The following PPM1E variants were observed in gnomAD, a reference collection of about 807,000 sequenced individuals.
PPM1E encodes protein phosphatase, Mg2+/Mn2+ dependent 1E.
PPM1E carries 20 observed loss-of-function variants against 65.9 expected under a neutral mutation model. That is an observed-to-expected ratio of 0.30 (90% CI 0.21 to 0.44). The LOEUF (loss-of-function observed/expected upper bound fraction) is 0.44. PPM1E is among the 20% of genes least tolerant of loss of function. The pLI is 1.00. For synonymous variants in PPM1E, 352 were observed against 374.9 expected (o/e 0.94, Z 0.70); for missense variants, 713 against 953.1 (o/e 0.75, Z 3.32).
rs2031378383 is a variant in PPM1E at position 58,981,959 on chromosome 17, C to A, written c.*928C>A. On this transcript the variant is annotated 3_prime_UTR_variant, in exon 7 of 7. Coordinates refer to ENST00000308249, the MANE Select transcript of PPM1E (RefSeq NM_014906.5). ...TTCTATATTTTGTCTTTTTTTAGTT[C>A]AGACAGCAAAGGCATGTACTACTAT... is the stretch of plus-strand genomic sequence containing the variant. 1 of 152,470 alleles carries A rather than the reference C, an allele frequency of 6.6e-6. No homozygotes were observed. Among genetic ancestry groups the A allele is most frequent in the African/African-American group, 2.4e-5 (1 of 41,392 alleles). The allele number at this position is 152,470 out of a possible 1,614,324, so 9.4% of individuals were successfully genotyped here.
intron 1 of PPM1E, among the ~76,000 whole-genome samples, chr17:58,801,589 G>T (rs961665638): frequency 1.3e-5 from 2 of 148,254 alleles, no homozygotes; most frequent in Non-Finnish European, 3.0e-5. Context: ...CTACAGGCAC[G>T]TGCCACCAGG....
At chr17:58,758,600 A>G (rs539289528) in intron 1 of PPM1E, among the ~76,000 whole-genome samples, 17 of 152,278 alleles carry the variant, frequency 1.1e-4, no homozygotes, top group African/African-American at 3.9e-4. Context: ...ATGGCCATCT[A>G]GTTGAGAACA....
chr17:58,772,814 T>C (rs565146781), intron 1 of PPM1E, among the ~76,000 whole-genome samples: 1 of 152,268 alleles, frequency 6.6e-6, no homozygotes, highest in South Asian at 2.1e-4. Flanking sequence ...TCTAGGGAGA[T>C]ACTGGAATTT....
chr17:58,903,487 C>T (rs548432333), intron 1 of PPM1E, among the ~76,000 whole-genome samples: 1 of 152,336 alleles, frequency 6.6e-6, no homozygotes, highest in East Asian at 1.9e-4. Context: ...CTACAAATAA[C>T]TTCTGCTTTC....
chr17:58,892,081 C>T (rs2051354471), intron 1 of PPM1E, among the ~76,000 whole-genome samples: 1 of 152,104 alleles, frequency 6.6e-6, no homozygotes, highest in South Asian at 2.1e-4. Context: ...AGTGATCTGC[C>T]TGCCTTGGCC....
At chr17:58,926,336 T>TAA (rs61085833) in intron 1 of PPM1E, among the ~76,000 whole-genome samples, 5 of 136,780 alleles carry the variant, frequency 3.7e-5, no homozygotes, top group South Asian at 2.3e-4. Flanking sequence ...TTGTCTAAAT[T>TAA]AAAAAAAAAA....
At chr17:58,964,861 T>C (rs1386528124) in intron 2 of PPM1E, among the ~76,000 whole-genome samples, 1 of 151,948 alleles carries the variant, frequency 6.6e-6, no homozygotes, top group Non-Finnish European at 1.5e-5. Context: ...CTGGCCAACA[T>C]GGTGAAACCC....
chr17:58,809,233 G>A (rs980385636), intron 1 of PPM1E, among the ~76,000 whole-genome samples: 6 of 151,834 alleles, frequency 4.0e-5, no homozygotes, highest in South Asian at 2.1e-4. Flanking sequence ...CTACAGGTGC[G>A]AACTACCATA....
chr17:58,851,676 T>C (rs1319766534), intron 1 of PPM1E, among the ~76,000 whole-genome samples: 2 of 152,326 alleles, frequency 1.3e-5, no homozygotes, highest in Non-Finnish European at 1.5e-5. Context: ...CTGTATGAGA[T>C]GTCAGTTGGC....
chr17:58,770,125 A>G (rs1343014774), intron 1 of PPM1E, among the ~76,000 whole-genome samples: 2 of 152,154 alleles, frequency 1.3e-5, no homozygotes, highest in Non-Finnish European at 2.9e-5. Flanking sequence ...AACCCTCACC[A>G]TTGTATCCAT....
chr17:58,952,722 G>A (rs2052256658), intron 1 of PPM1E, among the ~76,000 whole-genome samples: 1 of 152,114 alleles, frequency 6.6e-6, no homozygotes, highest in African/African-American at 2.4e-5. Flanking sequence ...ACTCTGGGCT[G>A]GAGTGCAGTG....
intron 1 of PPM1E, among the ~76,000 whole-genome samples, chr17:58,761,990 G>A (rs2049825558): frequency 1.3e-5 from 2 of 152,176 alleles, no homozygotes; most frequent in Non-Finnish European, 2.9e-5. Flanking sequence ...TGTTCTGTAT[G>A]ACGACTGATT....
At position 58,980,537 on chromosome 17, in the gene PPM1E, T is replaced by G. The variant is rs139860807; in HGVS notation, c.1774T>G (p.Phe592Val). The change falls in exon 7 of 7, where the codon TTT (phenylalanine) becomes GTT (valine). Residue 592 changes from phenylalanine (F) to valine (V), a missense_variant. Physicochemically the swap from Phe to Val is conservative, Grantham distance 50. Coordinates refer to ENST00000308249, the MANE Select transcript of PPM1E (RefSeq NM_014906.5). This position sits in a 1 kb window ranked among gnomAD's most constrained non-coding sequence, Gnocchi z 4.7. ...CCAGTTTTTGCTACCAGTTGAGATG[T>G]TTGGTCCTGGTGCACCAAAGAAAGC... Reference protein sequence around the residue: ...SAQFLLPVEMFGPGAPKKANL... With the variant: ...SAQFLLPVEMVGPGAPKKANL... The G allele has an allele frequency of 7.1e-5, 114 of 1,614,122 alleles. No homozygotes were observed. In the African/African-American group the frequency reaches 1.3e-3, roughly 19 times the overall value.
intron 1 of PPM1E, among the ~76,000 whole-genome samples, chr17:58,861,468 A>G (rs1228122885): frequency 6.6e-6 from 1 of 152,168 alleles, no homozygotes; most frequent in Non-Finnish European, 1.5e-5. Flanking sequence ...GAGAATTTCA[A>G]TTTTAGATCA....
At chr17:58,757,783 C>G (rs1209645937) in intron 1 of PPM1E, among the ~76,000 whole-genome samples, 1 of 152,086 alleles carries the variant, frequency 6.6e-6, no homozygotes, top group African/African-American at 2.4e-5. Flanking sequence ...TATAAGCTAT[C>G]TAAAATTTAA....
chr17:58,900,548 T>C lies in PPM1E; in HGVS notation c.465-55101T>C, dbSNP rs946753081. On this transcript the variant is annotated intron_variant, in intron 1 of 6. Transcript: ENST00000308249. ...GTACACTTAATAGACTACAGTATAA[T>C]GTAAACATAGCTTTTATATGCCCTG... Among the ~76,000 whole-genome samples the C allele has an allele frequency of 1.6e-4, 25 of 152,222 alleles. 1 individual carries two copies.
intron 1 of PPM1E, among the ~76,000 whole-genome samples, chr17:58,947,315 C>T (rs375633452): frequency 1.4e-5 from 2 of 144,800 alleles, no homozygotes; most frequent in Non-Finnish European, 3.0e-5. Context: ...CAGCTCACTG[C>T]AACCTCTGCC....
intron 1 of PPM1E, among the ~76,000 whole-genome samples, chr17:58,857,475 C>T (rs1381216780): frequency 6.6e-6 from 1 of 152,090 alleles, no homozygotes; most frequent in African/African-American, 2.4e-5. Context: ...ATTATTTAAC[C>T]TCTCTGTGCT....
At chr17:58,959,427 G>A (rs1261901862) in intron 2 of PPM1E, among the ~76,000 whole-genome samples, 12 of 150,056 alleles carry the variant, frequency 8.0e-5, no homozygotes, top group South Asian at 2.1e-4. Flanking sequence ...GTGAAACCCC[G>A]TCTCTACTAA....
Sources: gnomAD v4.1 joint callset for allele counts (sites outside exome capture counted in the v4.1 genomes callset) on GRCh38, gnomAD v4.1.1 for gene constraint, Gnocchi (gnomAD v3.1) non-coding constraint, MANE v1.5 for transcripts, NCBI Gene and HGNC (gene_info 2026-07-23, HGNC 2026-07-21) for gene names.